HNRNPH1: variants seen among roughly 807,000 people sequenced by gnomAD.
The protein encoded by HNRNPH1 is heterogeneous nuclear ribonucleoprotein H.
HNRNPH1 carries 4 observed loss-of-function variants against 58.6 expected under a neutral mutation model. The observed-to-expected ratio is 0.07, with a 90% CI of 0.03 to 0.16. HNRNPH1 has a LOEUF of 0.16. Ranked by LOEUF, HNRNPH1 falls within the 10% of genes least tolerant of loss-of-function variation. The pLI is 1.00. For missense variants in HNRNPH1, 271 were observed against 564.2 expected (o/e 0.48, Z 5.26); for synonymous variants, 192 against 189.2 (o/e 1.01, Z -0.12).
chr5:179,617,875 G>A, exon 7 of HNRNPH1: 2 of 1,613,058 alleles, frequency 1.2e-6, no homozygotes, highest in East Asian at 2.2e-5. Flanking sequence ...GCTCTGGAAA[G>A]TAGAGCCACC....
intron 12 of HNRNPH1, 78 bp downstream of exon 13, chr5:179,615,468 T>C (rs977212265): frequency 6.4e-5 from 49 of 769,256 alleles, no homozygotes; most frequent in African/African-American, 2.8e-4. Flanking sequence ...GTCAGAGCCA[T>C]TGACTGCTAT....
At chr5:179,631,109 C>T (rs180889457) in intron 2 of HNRNPH1, among the ~76,000 whole-genome samples, 373 of 151,896 alleles carry the variant, frequency 2.5e-3, no homozygotes, top group Non-Finnish European at 3.9e-3. Context: ...GGTATGAATG[C>T]ATGGGGGTAG....
chr5:179,617,286 C>T, intron 8 of HNRNPH1, 176 bp from the exon 10 acceptor site: 1 of 740,676 alleles, frequency 1.4e-6, no homozygotes, highest in South Asian at 1.9e-5. Context: ...TTTACATATT[C>T]ATCTGTATTG....
At chr5:179,632,753 C>CTCTTTT (rs1774949618) in intron 2 of HNRNPH1, among the ~76,000 whole-genome samples, 1 of 92,014 alleles carries the variant, frequency 1.1e-5, no homozygotes, top group Non-Finnish European at 2.0e-5. Flanking sequence ...AATCAAATAT[C>CTCTTTT]TTTTTTTTTT....
chr5:179,614,618 A>C, exon 13 of HNRNPH1: 2 of 366,246 alleles, frequency 5.5e-6, no homozygotes, highest in Non-Finnish European at 1.0e-5. Context: ...GCTGGAACTT[A>C]AGTTTAACAG....
upstream of HNRNPH1, chr5:179,629,095 A>G (rs1300652601): frequency 2.0e-5 from 3 of 148,952 alleles, no homozygotes; most frequent in Non-Finnish European, 3.0e-5. Flanking sequence ...CAGCAGATCG[A>G]GACCATCCTG....
chr5:179,629,148 T>G (rs1774635505), upstream of HNRNPH1: 1 of 149,092 alleles, frequency 6.7e-6, no homozygotes, highest in Non-Finnish European at 1.5e-5. Context: ...ATACAAAAAA[T>G]TAGCCGGGCG....
chr5:179,621,409 A>G lies in HNRNPH1; in HGVS notation c.98-12T>C, dbSNP rs748061405. The G allele has an allele frequency of 6.2e-7, 1 of 1,611,646 alleles. No individual in the cohort carries two copies. The highest frequency in any genetic ancestry group is 1.1e-5 in the South Asian group (1 of 90,656). Reference sequence around the variant, plus strand: ...TTGAATTTTGCAGTCTGGAAAGAAAACAACCGTTAATACAGAATTTAAAAC... The same window carrying G: ...TTGAATTTTGCAGTCTGGAAAGAAAGCAACCGTTAATACAGAATTTAAAAC... On this transcript the variant is annotated splice_polypyrimidine_tract_variant and intron_variant, in intron 1 of 12. Coordinates refer to ENST00000356731, the Ensembl canonical transcript of HNRNPH1.
chr5:179,618,424 C>T (rs1024674308), intron 4 of HNRNPH1, 101 bp from the exon 6 acceptor site: 3 of 751,416 alleles, frequency 4.0e-6, no homozygotes. Flanking sequence ...TAGTCATAGC[C>T]ATGAAACTGA....
chr5:179,617,086 A>C, exon 9 of HNRNPH1: 1 of 1,614,168 alleles, frequency 6.2e-7, no homozygotes, highest in Non-Finnish European at 8.5e-7. Flanking sequence ...TGTAGAATTC[A>C]AGAAGAGTTC....
chr5:179,621,644 CT>C (rs1480272923), intron 1 of HNRNPH1: 1 of 522,754 alleles, frequency 1.9e-6, no homozygotes, highest in African/African-American at 1.9e-5. Context: ...GAATTTATCT[CT>C]TTAGTCCTTG....
intron 4 of HNRNPH1, 49 bp downstream of exon 5, chr5:179,619,220 T>C: frequency 2.7e-6 from 4 of 1,474,954 alleles, no homozygotes; most frequent in Non-Finnish European, 2.8e-6. Flanking sequence ...ATGGATTTAA[T>C]TGTTTACCAT....
chr5:179,619,660 T>C, intron 3 of HNRNPH1: 1 of 281,022 alleles, frequency 3.6e-6, no homozygotes, highest in Non-Finnish European at 6.6e-6. Context: ...GCATTAAGAA[T>C]TCAACAACTT....
At chr5:179,620,082 C>A (rs1337538698) in intron 3 of HNRNPH1, 2 of 152,202 alleles carry the variant, frequency 1.3e-5, no homozygotes, top group African/African-American at 2.4e-5. Context: ...TGACAGCATT[C>A]AATTCTCACC....
In HNRNPH1 at chr5:179,618,138, C is replaced by T. The variant is rs572692674; in HGVS notation, c.715+7G>A. On this transcript the variant is annotated splice_region_variant and intron_variant, in intron 5 of 12. Transcript: ENST00000356731. Reference sequence around the variant, plus strand: ...CGACTTGCCGAACCTTACGAATCCTCACGTACCTCCACCATAAGCACCACG... The same window carrying T: ...CGACTTGCCGAACCTTACGAATCCTTACGTACCTCCACCATAAGCACCACG... The T allele has an allele frequency of 1.4e-5, 23 of 1,613,484 alleles. No homozygotes were observed. The highest frequency in any genetic ancestry group is 1.9e-5 in the Non-Finnish European group (23 of 1,179,752).
chr5:179,617,079 A>G (rs1233099043), exon 9 of HNRNPH1: 1 of 1,614,088 alleles, frequency 6.2e-7, no homozygotes, highest in African/African-American at 1.3e-5. Context: ...CTCCTGCTGT[A>G]GAATTCAAGA....
At position 179,621,066 on chromosome 5, in the gene HNRNPH1, T is replaced by C. The variant is rs375727277; in HGVS notation, c.254-31A>G. On this transcript the variant is annotated intron_variant, in intron 2 of 12. Coordinates refer to ENST00000356731, the Ensembl canonical transcript of HNRNPH1. Reference sequence around the variant, plus strand: ...AGAGGTGCTTAGAATTAGTCACTTTTGGAAAATTAGATAACAAAGTTCAGA... The same window carrying C: ...AGAGGTGCTTAGAATTAGTCACTTTCGGAAAATTAGATAACAAAGTTCAGA... 5.0e-6 allele frequency: 8 copies of C among 1,608,080 alleles called. No individual in the cohort carries two copies. The African/African-American group carries it at 8.0e-5, about 16-fold the overall frequency.
At chr5:179,615,868 G>C (rs781012153) in intron 11 of HNRNPH1, 15 of 527,218 alleles carry the variant, frequency 2.8e-5, no homozygotes, top group Non-Finnish European at 3.4e-5. Flanking sequence ...GCAATGACTA[G>C]TTCTTAATTC....
upstream of HNRNPH1, among the ~76,000 whole-genome samples, chr5:179,625,682 G>A (rs928614949): frequency 1.3e-5 from 2 of 150,072 alleles, no homozygotes; most frequent in African/African-American, 4.9e-5. Flanking sequence ...AAAAAGAATA[G>A]TAGTAAGGTA....
Sources: allele counts gnomAD v4.1 joint callset (sites outside exome capture counted in the v4.1 genomes callset), GRCh38; gene constraint gnomAD v4.1.1; transcripts MANE v1.5; gene names NCBI Gene and HGNC (gene_info 2026-07-23, HGNC 2026-07-21).